Variants in FAAH2 observed in about 807,000 individuals in gnomAD.
FAAH2 encodes fatty acid amide hydrolase 2.
In FAAH2, 60 loss-of-function variants were observed where a neutral mutation model predicts 36.9. The observed-to-expected ratio is 1.63, with a 90% CI of 1.32 to 2.02. FAAH2 has a LOEUF of 2.02. Among genes scored for constraint, FAAH2 ranks in the 30% most tolerant of loss-of-function variants. The pLI is 0.00. For synonymous variants in FAAH2, 214 were observed against 143.8 expected (o/e 1.49, Z -3.49); for missense variants, 689 against 397.5 (o/e 1.73, Z -6.23).
the FAAH2 span, among the ~76,000 whole-genome samples, chrX:57,170,929 C>T: frequency 2.7e-5 from 3 of 109,533 alleles, no homozygotes; most frequent in East Asian, 5.7e-4. Flanking sequence ...AGGCTGGTTT[C>T]GAACTCCTGA....
the FAAH2 span, among the ~76,000 whole-genome samples, chrX:57,227,241 A>G: frequency 6.8e-3 from 750 of 110,718 alleles, 4 homozygotes; most frequent in Middle Eastern, 9.4e-3. Flanking sequence ...TCATATTACC[A>G]GGGTTGGTTT....
Position 57,398,134 on chromosome X carries a change from G to A in FAAH2, c.996+17105G>A, listed in dbSNP as rs1230332924. Among the ~76,000 whole-genome samples, 15 of 111,688 alleles carry A rather than the reference G, an allele frequency of 1.3e-4. No homozygotes were observed. The Admixed American group carries it at 1.4e-3, about 11-fold the overall frequency. On this transcript the variant is annotated intron_variant, in intron 7 of 10. Coordinates refer to ENST00000374900, the MANE Select transcript of FAAH2 (RefSeq NM_174912.4). The stretch of plus-strand genomic sequence containing the variant: ...AGAACTAGAAATACCATTTGACCCA[G>A]CCGTCCCATTACTGGGTATATACCC...
intron 6 of FAAH2, among the ~76,000 whole-genome samples, chrX:57,379,800 C>G (rs2147216736): frequency 1.2e-5 from 1 of 81,515 alleles, no homozygotes; most frequent in South Asian, 8.3e-4. Flanking sequence ...ATTATTCTTG[C>G]CAAAGTCCCT....
chrX:57,426,905 A>C (rs1161458391), intron 7 of FAAH2, among the ~76,000 whole-genome samples: 1 of 111,282 alleles, frequency 9.0e-6, no homozygotes, highest in Non-Finnish European at 1.9e-5. Context: ...TCAGAGCAAA[A>C]CTAAATGAAA....
chrX:57,202,003 TTTG>T, the FAAH2 span, among the ~76,000 whole-genome samples: 1 of 112,150 alleles, frequency 8.9e-6, no homozygotes, highest in African/African-American at 3.2e-5. Context: ...TTTAAATCTC[TTTG>T]TTAAGTTTTT....
At chrX:57,273,207 A>G in the FAAH2 span, among the ~76,000 whole-genome samples, 1 of 112,038 alleles carries the variant, frequency 8.9e-6, no homozygotes, top group Non-Finnish European at 1.9e-5. Flanking sequence ...CAGCAATGAG[A>G]GCTAACTATC....
chrX:57,444,652 T>G (rs2056635951), intron 8 of FAAH2, among the ~76,000 whole-genome samples: 1 of 111,221 alleles, frequency 9.0e-6, no homozygotes, highest in Non-Finnish European at 1.9e-5. Context: ...AATGCAAAAA[T>G]CACCCATCTT....
At chrX:57,403,731 C>A (rs902057500) in intron 7 of FAAH2, among the ~76,000 whole-genome samples, 1 of 112,027 alleles carries the variant, frequency 8.9e-6, no homozygotes, top group Non-Finnish European at 1.9e-5. Context: ...TTATTGAATA[C>A]CCATTGTGTT....
the FAAH2 span, chrX:57,137,370 G>C: frequency 2.5e-5 from 19 of 753,901 alleles, no homozygotes; most frequent in African/African-American, 4.6e-5. Flanking sequence ...AGGAGCGTGT[G>C]TAGGAGCGCG....
the FAAH2 span, among the ~76,000 whole-genome samples, chrX:57,276,266 AACTC>A: frequency 8.9e-6 from 1 of 112,086 alleles, no homozygotes; most frequent in African/African-American, 3.2e-5. Flanking sequence ...GGGATTAAGA[AACTC>A]ACTCAAAACC....
At position 57,420,228 on chromosome X, in the gene FAAH2, T is replaced by G. The variant is rs1042684208; in HGVS notation, c.997-11690T>G. On this transcript the variant is annotated intron_variant, in intron 7 of 10. Transcript: ENST00000374900. ...CTCTTTTTTGGTTCCATATGAACTT[T>G]AAAGTAGTTTTTTTCCAATTCTGTG... 1.5e-4 allele frequency among the ~76,000 whole-genome samples: 13 copies of G among 86,976 alleles called. No homozygotes were observed. The Admixed American group carries it at 1.7e-3, about 11-fold the overall frequency. The allele number at this position is 86,976 out of a possible 115,157, so 75.5% of individuals were successfully genotyped here.
chrX:57,164,028 A>G, the FAAH2 span, among the ~76,000 whole-genome samples: 1 of 112,520 alleles, frequency 8.9e-6, no homozygotes, highest in Admixed American at 9.4e-5. Flanking sequence ...TAGGGGCTCA[A>G]AGGACGGTAA....
intron 5 of FAAH2, among the ~76,000 whole-genome samples, chrX:57,369,698 T>TAAATGCTTAAGGGAGTGA (rs2054504830): frequency 8.9e-6 from 1 of 112,011 alleles, no homozygotes; most frequent in Non-Finnish European, 1.9e-5. Context: ...ATCTTTACAT[T>TAAATGCTTAAGGGAGTGA]AAATGCTTAA....
At chrX:57,318,148 G>T in intron 3 of FAAH2, among the ~76,000 whole-genome samples, 1 of 111,273 alleles carries the variant, frequency 9.0e-6, no homozygotes, top group East Asian at 2.8e-4. Context: ...CAGAAGACAT[G>T]AAATAACTAA....
chrX:57,149,453 C>G, the FAAH2 span, among the ~76,000 whole-genome samples: 1 of 111,505 alleles, frequency 9.0e-6, no homozygotes, highest in African/African-American at 3.3e-5. Context: ...TTGGTCTATT[C>G]AGAGATTCAA....
rs191128331 is a variant in FAAH2 at position 57,339,953 on chromosome X, G to A, written c.623-1318G>A. On this transcript the variant is annotated intron_variant, in intron 4 of 10. Transcript: ENST00000374900. ...GAACTAATAGGATAGATTTATACATGAAGGGGAGTTTATTAAAGAGTATTG... is the reference window on the plus strand; with the variant it reads ...GAACTAATAGGATAGATTTATACATAAAGGGGAGTTTATTAAAGAGTATTG... 2.1e-3 allele frequency among the ~76,000 whole-genome samples: 229 copies of A among 111,608 alleles called. 1 individual carries two copies. Among genetic ancestry groups the A allele is most frequent in the African/African-American group, 7.1e-3 (219 of 30,666 alleles).
chrX:57,337,945 G>A (rs1302485655), intron 4 of FAAH2, among the ~76,000 whole-genome samples: 3 of 111,827 alleles, frequency 2.7e-5, no homozygotes, highest in African/African-American at 6.5e-5. Context: ...ATTCAAATAG[G>A]AAGAGAGGAA....
chrX:57,239,955 T>G, the FAAH2 span, among the ~76,000 whole-genome samples: 1 of 112,161 alleles, frequency 8.9e-6, no homozygotes, highest in Non-Finnish European at 1.9e-5. Flanking sequence ...CTTATATTCC[T>G]TGGATTTTGT....
At chrX:57,365,187 T>G (rs1288791575) in intron 5 of FAAH2, among the ~76,000 whole-genome samples, 1 of 112,123 alleles carries the variant, frequency 8.9e-6, no homozygotes, top group Non-Finnish European at 1.9e-5. Context: ...TTTTTGTGGC[T>G]GCAGGTACTG....
Sources: gnomAD v4.1 joint callset for allele counts (sites outside exome capture counted in the v4.1 genomes callset) on GRCh38, gnomAD v4.1.1 for gene constraint, MANE v1.5 for transcripts, NCBI Gene and HGNC (gene_info 2026-07-23, HGNC 2026-07-21) for gene names.